NRG3: variants seen among roughly 807,000 people sequenced by gnomAD.
NRG3 encodes pro-neuregulin-3, membrane-bound isoform.
NRG3 carries 31 observed loss-of-function variants against 66.9 expected under a neutral mutation model. The ratio of observed to expected loss-of-function variants is 0.46; its 90% confidence interval spans 0.35 to 0.63. The LOEUF (loss-of-function observed/expected upper bound fraction) is 0.63, where lower values mean the gene tolerates loss of function less well. Among genes scored for constraint, NRG3 ranks in the 20% least tolerant of loss-of-function variants. The probability of loss-of-function intolerance (pLI) is 0.00; values close to 1 mark genes in which losing one functional copy is unlikely to be tolerated. For missense variants in NRG3, 910 were observed against 878.9 expected, an observed-to-expected ratio of 1.04 and a Z score of -0.45; for synonymous variants, 393 against 359.4, an observed-to-expected ratio of 1.09 and a Z score of -1.06.
chr10:82,566,196 G>A (rs1006569319), intron 2 of NRG3, among the ~76,000 whole-genome samples: 14 of 151,874 alleles, frequency 9.2e-5, no homozygotes, highest in Non-Finnish European at 1.5e-4. Flanking sequence ...GATAACAACC[G>A]TTTTTCCTTT....
chr10:82,901,870 T>C (rs1844255325), intron 4 of NRG3, among the ~76,000 whole-genome samples: 1 of 152,210 alleles, frequency 6.6e-6, no homozygotes, highest in Admixed American at 6.5e-5. Flanking sequence ...GTAATCACCA[T>C]GCTTTAGCAA....
chr10:82,850,597 C>T (rs1000263232), intron 3 of NRG3, among the ~76,000 whole-genome samples: 1 of 151,952 alleles, frequency 6.6e-6, no homozygotes, highest in Non-Finnish European at 1.5e-5. Context: ...ATAGGAAGTG[C>T]TTAACAGCAT....
intron 3 of NRG3, among the ~76,000 whole-genome samples, chr10:82,846,170 C>T (rs2063299763): frequency 6.6e-6 from 1 of 151,992 alleles, no homozygotes; most frequent in South Asian, 2.1e-4. Context: ...GCAGCAGATA[C>T]CACTATACTC....
At chr10:82,934,479 T>C (rs1847878873) in intron 4 of NRG3, among the ~76,000 whole-genome samples, 1 of 152,162 alleles carries the variant, frequency 6.6e-6, no homozygotes, top group South Asian at 2.1e-4. Context: ...ATTATTGGAG[T>C]AGCAGACACC....
chr10:82,300,829 A>C lies in NRG3; in HGVS notation c.824-57910A>C, dbSNP rs552602770. 5.3e-5 allele frequency among the ~76,000 whole-genome samples: 8 copies of C among 151,652 alleles called. No homozygotes were observed. The South Asian group carries it at 8.4e-4, about 16-fold the overall frequency. On this transcript the variant is annotated intron_variant, in intron 1 of 8. Transcript: ENST00000372141. ...TGAGTTAAAAACACACACACACACA[A>C]AAACACCTTTCAGCCTGGTGCAGTG...
intron 1 of NRG3, among the ~76,000 whole-genome samples, chr10:82,168,506 C>A (rs1387464921): frequency 6.6e-6 from 1 of 152,094 alleles, no homozygotes; most frequent in Non-Finnish European, 1.5e-5. Context: ...AATACATAAT[C>A]TCGAGTTTTG....
chr10:82,108,627 T>C (rs2067203857), intron 1 of NRG3, among the ~76,000 whole-genome samples: 1 of 152,242 alleles, frequency 6.6e-6, no homozygotes, highest in Non-Finnish European at 1.5e-5. Context: ...GCTACTAATG[T>C]CAATTTCATA....
chr10:82,944,574 T>C (rs1848838684), intron 4 of NRG3, among the ~76,000 whole-genome samples: 1 of 152,206 alleles, frequency 6.6e-6, no homozygotes. Flanking sequence ...AAACAGGTCT[T>C]AATAATACAT....
intron 2 of NRG3, among the ~76,000 whole-genome samples, chr10:82,404,625 A>G (rs2087363779): frequency 6.6e-6 from 1 of 152,122 alleles, no homozygotes; most frequent in South Asian, 2.1e-4. Flanking sequence ...TACTACATAA[A>G]AGCTTTCCTA....
At chr10:82,611,816 T>C (rs559172385) in intron 2 of NRG3, among the ~76,000 whole-genome samples, 6 of 152,292 alleles carry the variant, frequency 3.9e-5, no homozygotes, top group African/African-American at 1.2e-4. Flanking sequence ...ATGGTACTTC[T>C]AGTCCTAGAC....
intron 1 of NRG3, among the ~76,000 whole-genome samples, chr10:82,296,905 T>C (rs56319049): frequency 1.3e-5 from 2 of 151,882 alleles, no homozygotes; most frequent in African/African-American, 4.8e-5. Context: ...ACCCAGTAGG[T>C]AGTTCTTCAA....
intron 2 of NRG3, among the ~76,000 whole-genome samples, chr10:82,393,437 T>C (rs1348436833): frequency 1.3e-5 from 2 of 152,070 alleles, no homozygotes; most frequent in Non-Finnish European, 1.5e-5. Context: ...ATATGACTGA[T>C]TGACATGGAC....
intron 3 of NRG3, among the ~76,000 whole-genome samples, chr10:82,844,381 C>A (rs2063208761): frequency 6.6e-6 from 1 of 152,290 alleles, no homozygotes; most frequent in Admixed American, 6.5e-5. Context: ...AAAGGGCTAA[C>A]CCCGGATGCC....
At chr10:81,956,911 A>G (rs1199729016) in intron 1 of NRG3, among the ~76,000 whole-genome samples, 1 of 152,134 alleles carries the variant, frequency 6.6e-6, no homozygotes, top group Non-Finnish European at 1.5e-5. Context: ...CTCAAGCCAC[A>G]CTAGACTCTT....
rs947557006 is a variant in NRG3 at position 82,081,644 on chromosome 10, A to T, written c.823+205481A>T. Among the ~76,000 whole-genome samples, 10 of 152,314 alleles carry T rather than the reference A, an allele frequency of 6.6e-5. No individual in the cohort carries two copies. In the East Asian group the frequency reaches 1.9e-3, roughly 29 times the overall value. On this transcript the variant is annotated intron_variant, in intron 1 of 8. Transcript: ENST00000372141. Reference sequence around the variant, plus strand: ...TTTAATTACATTGTTTCCACGTATGATATTCTTTCTAAGAATGTCTCTAGC... The same window carrying T: ...TTTAATTACATTGTTTCCACGTATGTTATTCTTTCTAAGAATGTCTCTAGC...
At chr10:82,068,228 G>C (rs574312494) in intron 1 of NRG3, among the ~76,000 whole-genome samples, 1 of 152,310 alleles carries the variant, frequency 6.6e-6, no homozygotes, top group African/African-American at 2.4e-5. Context: ...TAACTGTTTA[G>C]AATGCCTTTT....
At chr10:81,999,974 C>G (rs896701656) in intron 1 of NRG3, among the ~76,000 whole-genome samples, 4 of 152,106 alleles carry the variant, frequency 2.6e-5, no homozygotes, top group African/African-American at 9.7e-5. Context: ...GATATCTATT[C>G]TAAATGATAC....
chr10:82,467,490 G>T (rs542144348), intron 2 of NRG3, among the ~76,000 whole-genome samples: 1 of 152,186 alleles, frequency 6.6e-6, no homozygotes, highest in South Asian at 2.1e-4. Context: ...CCTGGAAAAG[G>T]AAGGAAGGAT....
chr10:82,718,669 A>G (rs975767957), intron 2 of NRG3, among the ~76,000 whole-genome samples: 7 of 152,222 alleles, frequency 4.6e-5, no homozygotes, highest in African/African-American at 1.4e-4. Context: ...TATGTAGGTA[A>G]TTATGTCAAG....
Sources: allele counts gnomAD v4.1 joint callset (sites outside exome capture counted in the v4.1 genomes callset), GRCh38; gene constraint gnomAD v4.1.1; transcripts MANE v1.5; gene names NCBI Gene and HGNC (gene_info 2026-07-23, HGNC 2026-07-21).